The following L3MBTL3 variants were observed in gnomAD, a reference collection of about 807,000 sequenced individuals.
L3MBTL3 encodes the protein lethal(3)malignant brain tumor-like protein 3.
In L3MBTL3, 27 loss-of-function variants were observed where a neutral mutation model predicts 102.3. That is an observed-to-expected ratio of 0.26 (90% CI 0.19 to 0.36). L3MBTL3 has a LOEUF of 0.36. Among genes scored for constraint, L3MBTL3 ranks in the 10% least tolerant of loss-of-function variants. L3MBTL3 has a pLI of 1.00. For missense variants in L3MBTL3, 798 were observed against 955.3 expected, an observed-to-expected ratio of 0.84 and a Z score of 2.17; for synonymous variants, 340 against 320.9, an observed-to-expected ratio of 1.06 and a Z score of -0.64.
chr6:130,039,009 T>C (rs1381695136), intron 2 of L3MBTL3, among the ~76,000 whole-genome samples: 1 of 152,166 alleles, frequency 6.6e-6, no homozygotes, highest in African/African-American at 2.4e-5. Context: ...GAAGTTTTTT[T>C]TTCCTATTAA....
intron 13 of L3MBTL3, among the ~76,000 whole-genome samples, chr6:130,075,962 C>T (rs901509979): frequency 2.6e-5 from 4 of 152,112 alleles, no homozygotes; most frequent in Non-Finnish European, 5.9e-5. Flanking sequence ...ATTAATATTT[C>T]AAACAGCTAC....
At chr6:130,081,203 A>T (rs764349183) in intron 14 of L3MBTL3, among the ~76,000 whole-genome samples, 3 of 152,234 alleles carry the variant, frequency 2.0e-5, no homozygotes, top group Non-Finnish European at 4.4e-5. Flanking sequence ...TTAAGTTTAG[A>T]GTGAACTGCA....
intron 16 of L3MBTL3, among the ~76,000 whole-genome samples, chr6:130,091,740 T>C (rs1008891379): frequency 1.3e-5 from 2 of 151,850 alleles, no homozygotes; most frequent in Non-Finnish European, 2.9e-5. Flanking sequence ...TTATGTTAAA[T>C]GAAATAAGCC....
Position 130,086,254 on chromosome 6 carries a change from A to C in L3MBTL3, c.1518+4A>C. 1 of 1,582,282 alleles carries C rather than the reference A, an allele frequency of 6.3e-7. No individual in the cohort carries two copies. The highest frequency in any genetic ancestry group is 8.7e-7 in the Non-Finnish European group (1 of 1,154,060). The stretch of plus-strand genomic sequence containing the variant: ...CACAGATGATCACCGGGTAAAAGTA[A>C]GTGTTCTGTGTGGGGGGTTGGCTTT... On this transcript the variant is annotated splice_donor_region_variant and intron_variant, in intron 16 of 22. Transcript: ENST00000361794.
intron 15 of L3MBTL3, among the ~76,000 whole-genome samples, chr6:130,084,513 A>G (rs778868844): frequency 7.2e-5 from 11 of 152,210 alleles, no homozygotes; most frequent in East Asian, 3.8e-4. Flanking sequence ...GAGCAAAACC[A>G]TAAGGCACGA....
At chr6:130,108,850 C>T (rs1194679271) in intron 19 of L3MBTL3, among the ~76,000 whole-genome samples, 1 of 152,090 alleles carries the variant, frequency 6.6e-6, no homozygotes, top group African/African-American at 2.4e-5. Flanking sequence ...GCTCTCCCTC[C>T]CCTTGCCCCT....
Position 130,140,954 on chromosome 6 carries a change from T to C in L3MBTL3, c.*1201T>C, listed in dbSNP as rs1453924726. ...TTTTCTGTAGAATACTTTGCCTCGA[T>C]ATATAAGCATACAGATGCACTTTAA... On this transcript the variant is annotated 3_prime_UTR_variant, in exon 23 of 23. Transcript: ENST00000361794. 6.6e-6 allele frequency: 1 copy of C among 152,660 alleles called. No homozygotes were observed. The highest frequency in any genetic ancestry group is 1.5e-5 in the Non-Finnish European group (1 of 68,036). 9.5% of individuals were successfully genotyped at this position (152,660 alleles called of 1,614,324 possible). A position where few individuals can be genotyped will look rare whatever the true frequency, so the allele number is the denominator to read the frequency against.
At chr6:130,086,115 T>C in intron 15 of L3MBTL3, 25 bp from the exon 16 acceptor site, 1 of 1,459,034 alleles carries the variant, frequency 6.9e-7, no homozygotes, top group Admixed American at 1.7e-5. Context: ...TTTATCTCAC[T>C]CTGTAAAATT....
rs557519278 is a variant in L3MBTL3 at position 130,129,504 on chromosome 6, T to C, written c.1967-3948T>C. 5.3e-5 allele frequency among the ~76,000 whole-genome samples: 8 copies of C among 152,318 alleles called. No individual in the cohort carries two copies. In the South Asian group the frequency reaches 1.7e-3, roughly 32 times the overall value. On this transcript the variant is annotated intron_variant, in intron 20 of 22. Transcript: ENST00000361794. ...AAGAATCAGGAAGGATGACCATTCC[T>C]TCCATATGGTAATTTTAGTTATTCG...
intron 13 of L3MBTL3, among the ~76,000 whole-genome samples, chr6:130,071,909 T>C (rs1407086112): frequency 6.6e-6 from 1 of 152,164 alleles, no homozygotes; most frequent in African/African-American, 2.4e-5. Context: ...TCTTAGATAC[T>C]CATTAGTTTT....
At chr6:130,124,380 A>G (rs370882478) in intron 20 of L3MBTL3, among the ~76,000 whole-genome samples, 1 of 152,276 alleles carries the variant, frequency 6.6e-6, no homozygotes, top group East Asian at 1.9e-4. Context: ...TTTGAGGGAA[A>G]ATCAGACAAA....
chr6:130,076,033 G>A (rs1425743485), intron 13 of L3MBTL3, among the ~76,000 whole-genome samples: 1 of 152,144 alleles, frequency 6.6e-6, no homozygotes, highest in Admixed American at 6.6e-5. Context: ...GACTCGGGCT[G>A]ATGAGGTTTG....
chr6:130,043,976 G>A (rs868756634), intron 3 of L3MBTL3, among the ~76,000 whole-genome samples: 2 of 152,214 alleles, frequency 1.3e-5, no homozygotes, highest in South Asian at 4.1e-4. Context: ...GAAAAAGCCA[G>A]TTAATCCCTT....
At chr6:130,049,507 C>T in intron 4 of L3MBTL3, 114 bp downstream of exon 4, 1 of 756,114 alleles carries the variant, frequency 1.3e-6, no homozygotes, top group South Asian at 1.9e-5. Context: ...TTTTGTGCCT[C>T]ATGTTGTTAG....
chr6:130,095,562 A>T (rs892693069), intron 18 of L3MBTL3, among the ~76,000 whole-genome samples: 5 of 152,208 alleles, frequency 3.3e-5, no homozygotes, highest in Admixed American at 2.6e-4. Flanking sequence ...TTCAGCCATT[A>T]TGTAAATCTA....
At chr6:130,059,642 T>C (rs1306689515) in intron 9 of L3MBTL3, among the ~76,000 whole-genome samples, 2 of 152,352 alleles carry the variant, frequency 1.3e-5, no homozygotes, top group East Asian at 3.9e-4. Flanking sequence ...CTAGAGGTTG[T>C]ACCAATTTTC....
At chr6:130,085,460 G>C (rs1231572601) in intron 15 of L3MBTL3, among the ~76,000 whole-genome samples, 1 of 152,054 alleles carries the variant, frequency 6.6e-6, no homozygotes, top group Admixed American at 6.6e-5. Flanking sequence ...TTTTATGCTT[G>C]TTGATTTTTG....
At chr6:130,084,728 C>G (rs985785003) in intron 15 of L3MBTL3, among the ~76,000 whole-genome samples, 1 of 152,226 alleles carries the variant, frequency 6.6e-6, no homozygotes, top group Non-Finnish European at 1.5e-5. Flanking sequence ...TACATGTCTA[C>G]TGTCACAACA....
chr6:130,119,125 C>A (rs940182626), intron 19 of L3MBTL3, among the ~76,000 whole-genome samples: 1 of 151,794 alleles, frequency 6.6e-6, no homozygotes, highest in African/African-American at 2.4e-5. Context: ...AAAATTTTGA[C>A]TTTTTAGCTT....
Sources: allele counts gnomAD v4.1 joint callset (sites outside exome capture counted in the v4.1 genomes callset), GRCh38; gene constraint gnomAD v4.1.1; transcripts MANE v1.5; gene names NCBI Gene and HGNC (gene_info 2026-07-23, HGNC 2026-07-21).